The following TNFSF4 variants were observed in gnomAD, a reference collection of about 807,000 sequenced individuals.
TNFSF4 encodes tumor necrosis factor ligand superfamily member 4.
A neutral mutation model predicts 7.3 loss-of-function variants in TNFSF4; 4 were observed. The ratio of observed to expected loss-of-function variants is 0.55; its 90% CI spans 0.27 to 1.25. The LOEUF (loss-of-function observed/expected upper bound fraction) is 1.25, where lower values mean the gene tolerates loss of function less well. Among genes scored for constraint, TNFSF4 ranks in the 50% most tolerant of loss-of-function variants. The probability of loss-of-function intolerance (pLI) is 0.12; values close to 1 mark genes in which losing one functional copy is unlikely to be tolerated. For synonymous variants in TNFSF4, 76 were observed against 83.7 expected, an observed-to-expected ratio of 0.91 and a Z score of 0.50; for missense variants, 181 against 208.8, an observed-to-expected ratio of 0.87 and a Z score of 0.82.
rs372063551 is a variant in TNFSF4, at chr1:173,188,560, G to T, written c.163C>A (p.Arg55=). ...LHFSALQVSH[R]YPRIQSIKVQ... is the part of the protein sequence containing the mutation. The stretch of plus-strand genomic sequence containing the variant: ...TTGATACTTTGAATTCGAGGATACC[G>T]ATGTGATACCTGAGGGAGGAAGAAA... Residue 55 remains arginine (R), a synonymous_variant, in exon 2 of 3, where the codon CGG becomes AGG. Transcript: ENST00000281834. 2 of 1,611,828 alleles carry T rather than the reference G, an allele frequency of 1.2e-6. No individual in the cohort carries two copies. The highest frequency in any genetic ancestry group is 3.3e-5 in the Admixed American group (2 of 59,932).
the TNFSF4 span, among the ~76,000 whole-genome samples, chr1:173,318,035 A>C: frequency 6.6e-6 from 1 of 152,256 alleles, no homozygotes; most frequent in Non-Finnish European, 1.5e-5. Flanking sequence ...CAAATCACTG[A>C]GAAAGAAAAA....
intron 1 of TNFSF4, among the ~76,000 whole-genome samples, chr1:173,199,374 T>A (rs900852165): frequency 2.0e-5 from 3 of 152,210 alleles, no homozygotes. Flanking sequence ...ATGTAATTAG[T>A]TAACATGCAG....
At chr1:173,205,539 A>G (rs1650149708) in intron 1 of TNFSF4, 3 of 1,349,920 alleles carry the variant, frequency 2.2e-6, no homozygotes, top group Non-Finnish European at 2.9e-6. Flanking sequence ...CCTTGAATGG[A>G]GCCATGTGTC....
the TNFSF4 span, among the ~76,000 whole-genome samples, chr1:173,214,817 A>C: frequency 1.3e-5 from 2 of 152,190 alleles, no homozygotes; most frequent in Non-Finnish European, 2.9e-5. Flanking sequence ...CCTCCTGCGA[A>C]CACTCTGCCT....
At chr1:173,419,927 C>A in the TNFSF4 span, among the ~76,000 whole-genome samples, 1 of 152,006 alleles carries the variant, frequency 6.6e-6, no homozygotes, top group African/African-American at 2.4e-5. Context: ...TGAGAGGCTG[C>A]GGTCCAAATG....
chr1:173,298,138 G>C, the TNFSF4 span, among the ~76,000 whole-genome samples: 2 of 151,956 alleles, frequency 1.3e-5, no homozygotes, highest in South Asian at 4.2e-4. Flanking sequence ...CAAAAAGAGA[G>C]AGCAATAAAG....
the TNFSF4 span, among the ~76,000 whole-genome samples, chr1:173,287,981 A>G: frequency 6.6e-6 from 1 of 152,338 alleles, no homozygotes; most frequent in Non-Finnish European, 1.5e-5. Flanking sequence ...GTGTATGTTC[A>G]TATGTATAAA....
chr1:173,429,085 A>C, the TNFSF4 span, among the ~76,000 whole-genome samples: 1 of 152,212 alleles, frequency 6.6e-6, no homozygotes, highest in Non-Finnish European at 1.5e-5. Flanking sequence ...GGATATGTGT[A>C]AAACAAAATC....
chr1:173,328,740 T>C, the TNFSF4 span, among the ~76,000 whole-genome samples: 1 of 152,010 alleles, frequency 6.6e-6, no homozygotes, highest in Non-Finnish European at 1.5e-5. Flanking sequence ...TATTTTGCCA[T>C]GACTTTGGAT....
the TNFSF4 span, among the ~76,000 whole-genome samples, chr1:173,432,940 C>T: frequency 1.3e-5 from 2 of 152,122 alleles, no homozygotes; most frequent in Non-Finnish European, 2.9e-5. Context: ...TATTGTAAGA[C>T]AGTTTTTATT....
chr1:173,177,487 C>T, the TNFSF4 span, among the ~76,000 whole-genome samples: 8 of 152,080 alleles, frequency 5.3e-5, no homozygotes, highest in Non-Finnish European at 1.2e-4. Flanking sequence ...AGCTACCTAT[C>T]GGGTTCTTAC....
At chr1:173,412,190 G>A in the TNFSF4 span, among the ~76,000 whole-genome samples, 1 of 150,992 alleles carries the variant, frequency 6.6e-6, no homozygotes, top group Non-Finnish European at 1.5e-5. Flanking sequence ...TCATCCACTT[G>A]GCCTGCCTCT....
chr1:173,236,230 G>T, the TNFSF4 span, among the ~76,000 whole-genome samples: 2 of 152,052 alleles, frequency 1.3e-5, no homozygotes, highest in African/African-American at 4.8e-5. Context: ...ACACTCAATG[G>T]TCAGGGTTTA....
chr1:173,230,055 A>G, the TNFSF4 span, among the ~76,000 whole-genome samples: 3 of 152,180 alleles, frequency 2.0e-5, no homozygotes, highest in African/African-American at 7.2e-5. Context: ...ATATCCACGA[A>G]TTGAAATCAG....
chr1:173,226,161 T>G, the TNFSF4 span, among the ~76,000 whole-genome samples: 1 of 152,186 alleles, frequency 6.6e-6, no homozygotes, highest in Non-Finnish European at 1.5e-5. Flanking sequence ...ACACAATAAT[T>G]TTTTGCATAA....
chr1:173,257,430 T>C, the TNFSF4 span, among the ~76,000 whole-genome samples: 1 of 152,218 alleles, frequency 6.6e-6, no homozygotes, highest in Non-Finnish European at 1.5e-5. Context: ...GGTACAGTCC[T>C]TTACAAGGCT....
the TNFSF4 span, among the ~76,000 whole-genome samples, chr1:173,215,239 C>A: frequency 1.3e-5 from 2 of 152,120 alleles, no homozygotes; most frequent in Non-Finnish European, 2.9e-5. Context: ...TGTTGGCACA[C>A]TGATCCAGAG....
At chr1:173,339,011 G>A in the TNFSF4 span, among the ~76,000 whole-genome samples, 8 of 152,052 alleles carry the variant, frequency 5.3e-5, no homozygotes, top group East Asian at 3.9e-4. Flanking sequence ...TAAGGTCAGC[G>A]GAAAACTACA....
the TNFSF4 span, among the ~76,000 whole-genome samples, chr1:173,441,619 G>T: frequency 6.6e-6 from 1 of 152,102 alleles, no homozygotes; most frequent in African/African-American, 2.4e-5. Flanking sequence ...GCGAGACTCT[G>T]TCTCAAAAAA....
Sources: gnomAD v4.1 joint callset for allele counts (sites outside exome capture counted in the v4.1 genomes callset) on GRCh38, gnomAD v4.1.1 for gene constraint, MANE v1.5 for transcripts, NCBI Gene and HGNC (gene_info 2026-07-23, HGNC 2026-07-21) for gene names.